Variants in PRKAG2 observed in about 807,000 individuals in gnomAD.
PRKAG2 encodes the protein 5'-AMP-activated protein kinase subunit gamma-2.
A neutral mutation model predicts 69.6 loss-of-function variants in PRKAG2; 26 were observed. The observed-to-expected ratio is 0.37, with a 90% CI of 0.27 to 0.52. The LOEUF (loss-of-function observed/expected upper bound fraction) is 0.52. Ranked by LOEUF, PRKAG2 falls within the 20% of genes least tolerant of loss-of-function variation. The probability of loss-of-function intolerance (pLI) is 0.90; values close to 1 mark genes in which losing one functional copy is unlikely to be tolerated. For missense variants in PRKAG2, 557 were observed against 740.0 expected, an observed-to-expected ratio of 0.75 and a Z score of 2.87; for synonymous variants, 293 against 285.0, an observed-to-expected ratio of 1.03 and a Z score of -0.28.
At chr7:151,817,776 A>G (rs1369431801) in intron 1 of PRKAG2, among the ~76,000 whole-genome samples, 1 of 152,230 alleles carries the variant, frequency 6.6e-6, no homozygotes, top group African/African-American at 2.4e-5. Flanking sequence ...AGGCCCAGAG[A>G]AGTGGAGTCA....
At chr7:151,802,349 G>A (rs948306835) in intron 1 of PRKAG2, among the ~76,000 whole-genome samples, 11 of 152,160 alleles carry the variant, frequency 7.2e-5, no homozygotes, top group South Asian at 2.1e-4. Context: ...AGGCTGCCAC[G>A]TCTCAGGTCT....
intron 5 of PRKAG2, among the ~76,000 whole-genome samples, chr7:151,605,295 G>C (rs1249098461): frequency 6.6e-6 from 1 of 151,500 alleles, no homozygotes; most frequent in Non-Finnish European, 1.5e-5. Context: ...GGGATTACAG[G>C]TGTGAGCCAT....
intron 6 of PRKAG2, among the ~76,000 whole-genome samples, chr7:151,590,624 C>T (rs536722822): frequency 1.3e-5 from 2 of 152,326 alleles, no homozygotes; most frequent in East Asian, 3.9e-4. Context: ...AGACGCCTAG[C>T]GTGGGCCTCT....
rs1824667171 is a variant in PRKAG2 at position 151,632,113 on chromosome 7, G to A, written c.710C>T (p.Pro237Leu). ...CTTCTCCAGCATGCCGGCTTCCGCG[G>A]GTCCCAGGGCCGCCGCCAGCGCCGC... ...KAAALAAALGPAEAGMLEKLE... is the reference protein window; with the variant it reads ...KAAALAAALGLAEAGMLEKLE... Residue 237 changes from proline to leucine, a missense_variant, in exon 5 of 16, where the codon CCC becomes CTC. Pro to Leu is a moderately conservative substitution (Grantham distance 98, BLOSUM62 -3). Around this residue, in one of 2 missense-constraint regions of PRKAG2, gnomAD observed 352 missense variants for 356.7 expected, o/e 0.99. Coordinates refer to ENST00000287878, the MANE Select transcript of PRKAG2 (RefSeq NM_016203.4). The surrounding 1 kb of genome is among the most constrained non-coding windows in gnomAD (Gnocchi z 4.2). 2 of 1,416,076 alleles carry A rather than the reference G, an allele frequency of 1.4e-6. No homozygotes were observed. The highest frequency in any genetic ancestry group is 1.4e-5 in the South Asian group (1 of 73,574). The allele number at this position is 1,416,076 out of a possible 1,614,324, so 87.7% of individuals were successfully genotyped here. A position where few individuals can be genotyped will look rare whatever the true frequency, so the allele number is the denominator to read the frequency against.
intron 5 of PRKAG2, among the ~76,000 whole-genome samples, chr7:151,603,599 G>A (rs561253198): frequency 1.5e-5 from 2 of 137,900 alleles, no homozygotes; most frequent in Non-Finnish European, 3.0e-5. Context: ...GCACACGGAG[G>A]GACACGCTCC....
At chr7:151,866,943 C>T (rs1270581926) in intron 1 of PRKAG2, among the ~76,000 whole-genome samples, 1 of 151,268 alleles carries the variant, frequency 6.6e-6, no homozygotes, top group Non-Finnish European at 1.5e-5. Flanking sequence ...AGAGGAAGTG[C>T]TCTGGACAGA....
At chr7:151,605,426 A>T (rs1398481950) in intron 5 of PRKAG2, among the ~76,000 whole-genome samples, 1 of 152,074 alleles carries the variant, frequency 6.6e-6, no homozygotes, top group Non-Finnish European at 1.5e-5. Flanking sequence ...AAATTTCTTT[A>T]AAAAATTTTT....
At chr7:151,856,746 C>T (rs545343266) in intron 1 of PRKAG2, among the ~76,000 whole-genome samples, 4 of 152,314 alleles carry the variant, frequency 2.6e-5, no homozygotes, top group Admixed American at 2.0e-4. Context: ...GCGTCCCCAC[C>T]GGAGCACGGT....
intron 3 of PRKAG2, among the ~76,000 whole-genome samples, chr7:151,727,045 G>A (rs1459554386): frequency 3.3e-5 from 5 of 151,950 alleles, no homozygotes; most frequent in Non-Finnish European, 7.4e-5. Flanking sequence ...GTGAAACCCC[G>A]CCTCTACTAA....
intron 1 of PRKAG2, among the ~76,000 whole-genome samples, chr7:151,793,771 G>T (rs73728298): frequency 0.034 from 5,195 of 152,322 alleles, 316 homozygotes; most frequent in African/African-American, 0.12. Flanking sequence ...GCAATTCTTG[G>T]TACTGATGGG....
intron 3 of PRKAG2, among the ~76,000 whole-genome samples, chr7:151,710,388 CACA>C (rs1479394545): frequency 6.6e-6 from 1 of 152,214 alleles, no homozygotes; most frequent in Non-Finnish European, 1.5e-5. Context: ...GTCTCCCCAC[CACA>C]AAAGACTCCC....
chr7:151,568,582 AAC>A, intron 11 of PRKAG2, 132 bp downstream of exon 11: 1 of 922,130 alleles, frequency 1.1e-6, no homozygotes, highest in Non-Finnish European at 1.7e-6. Context: ...TAAGTTGAGA[AAC>A]TGAAGTTTAG....
intron 3 of PRKAG2, among the ~76,000 whole-genome samples, chr7:151,763,990 C>T (rs771261116): frequency 2.0e-5 from 3 of 152,154 alleles, no homozygotes; most frequent in Non-Finnish European, 4.4e-5. Context: ...CTAAAAGGGA[C>T]AAAGGCACAC....
chr7:151,841,601 GGGTAGTGATA>G (rs1270113689), intron 1 of PRKAG2, among the ~76,000 whole-genome samples: 2 of 145,944 alleles, frequency 1.4e-5, no homozygotes, highest in Non-Finnish European at 1.5e-5. Context: ...AGGTAGTGAT[GGGTAGTGATA>G]GTAGGTAGGG....
intron 3 of PRKAG2, among the ~76,000 whole-genome samples, chr7:151,750,176 A>G (rs1322907661): frequency 1.3e-5 from 2 of 152,120 alleles, no homozygotes; most frequent in Non-Finnish European, 2.9e-5. Flanking sequence ...TGCTGATGGG[A>G]ATGTAAAACA....
intron 3 of PRKAG2, among the ~76,000 whole-genome samples, chr7:151,726,105 C>T (rs911920406): frequency 3.3e-5 from 5 of 152,122 alleles, no homozygotes; most frequent in African/African-American, 1.2e-4. Flanking sequence ...CACCTGCTAT[C>T]TTCATGGTGT....
At chr7:151,689,542 G>T (rs961373802) in intron 3 of PRKAG2, among the ~76,000 whole-genome samples, 1 of 152,230 alleles carries the variant, frequency 6.6e-6, no homozygotes, top group Non-Finnish European at 1.5e-5. Flanking sequence ...GCCACGTACA[G>T]CGAAGCAGGA....
At chr7:151,596,705 C>A (rs566571530) in intron 5 of PRKAG2, among the ~76,000 whole-genome samples, 1 of 151,806 alleles carries the variant, frequency 6.6e-6, no homozygotes, top group East Asian at 1.9e-4. Context: ...GCTGAGATTG[C>A]GGCACTGCAC....
chr7:151,743,669 G>C (rs980388356), intron 3 of PRKAG2, among the ~76,000 whole-genome samples: 2 of 152,330 alleles, frequency 1.3e-5, no homozygotes, highest in East Asian at 3.9e-4. Context: ...GAAAGAAAAG[G>C]AGCGATTACT....
Sources: allele counts gnomAD v4.1 joint callset (sites outside exome capture counted in the v4.1 genomes callset), GRCh38; gene constraint gnomAD v4.1.1; regional missense constraint gnomAD v4.1.1; non-coding constraint Gnocchi (gnomAD v3.1); transcripts MANE v1.5; gene names NCBI Gene and HGNC (gene_info 2026-07-23, HGNC 2026-07-21).